CABP7: variants seen among roughly 807,000 people sequenced by gnomAD.
CABP7 encodes calcium-binding protein 7.
A neutral mutation model predicts 23.1 loss-of-function variants in CABP7; 13 were observed. That is an observed-to-expected ratio of 0.56 (90% CI 0.37 to 0.90). CABP7 has a LOEUF of 0.90. CABP7 is among the 40% of genes least tolerant of loss of function. CABP7 has a pLI of 0.01. For synonymous variants in CABP7, 123 were observed against 115.3 expected (o/e 1.07, Z -0.43); for missense variants, 248 against 295.6 (o/e 0.84, Z 1.18).
At chr22:29,728,935 G>A in intron 3 of CABP7, 120 bp from the exon 4 acceptor site, 1 of 1,333,292 alleles carries the variant, frequency 7.5e-7, no homozygotes, top group Non-Finnish European at 1.1e-6. Flanking sequence ...CTGGGGGAAT[G>A]GAGCAAGTGT....
intron 1 of CABP7, among the ~76,000 whole-genome samples, chr22:29,725,392 G>T (rs1013556583): frequency 6.6e-6 from 1 of 152,160 alleles, no homozygotes; most frequent in South Asian, 2.1e-4. Context: ...AGAGAACTGC[G>T]TGCTTCAGAT....
rs1426621463 is a variant in CABP7, at chr22:29,727,411, C to T, written c.110-251C>T. Among the ~76,000 whole-genome samples the T allele has an allele frequency of 1.3e-5, 2 of 152,200 alleles. No homozygotes were observed. Among genetic ancestry groups the T allele is most frequent in the Non-Finnish European group, 2.9e-5 (2 of 68,036 alleles). On this transcript the variant is annotated intron_variant, in intron 1 of 4. Coordinates refer to ENST00000216144, the MANE Select transcript of CABP7 (RefSeq NM_182527.3). The surrounding 1 kb of genome is among the most constrained non-coding windows in gnomAD (Gnocchi z 4.2). ...ACCAGGAGAGGCTGTGAGAGCCTGGCGCAATCAGATCCCAAGAGGTCACTG... is the reference window on the plus strand; with the variant it reads ...ACCAGGAGAGGCTGTGAGAGCCTGGTGCAATCAGATCCCAAGAGGTCACTG...
chr22:29,731,332 C>CAGTG lies in CABP7; in HGVS notation c.*1764_*1767dup. 6.5e-7 allele frequency: 1 copy of CAGTG among 1,539,610 alleles called. No homozygotes were observed. The highest frequency in any genetic ancestry group is 8.7e-7 in the Non-Finnish European group (1 of 1,153,096). ...GGCCAGCCCACGGGGTACTGGAAGA[C>CAGTG]AGTGGTTCTGATGGGTTCAGCCCTA... On this transcript the variant is annotated 3_prime_UTR_variant, in exon 5 of 5. Coordinates refer to ENST00000216144, the MANE Select transcript of CABP7 (RefSeq NM_182527.3).
intron 1 of CABP7, among the ~76,000 whole-genome samples, chr22:29,722,417 T>G (rs979034702): frequency 1.3e-5 from 2 of 152,236 alleles, no homozygotes; most frequent in Non-Finnish European, 2.9e-5. Context: ...TCCTGTCCCC[T>G]TCTCCTGGGC....
chr22:29,721,476 G>A (rs1364986888), intron 1 of CABP7, among the ~76,000 whole-genome samples: 2 of 152,116 alleles, frequency 1.3e-5, no homozygotes, highest in Non-Finnish European at 2.9e-5. Context: ...GGCCTCCTGG[G>A]ATCTGCATGT....
chr22:29,728,980 G>A (rs1348221825), intron 3 of CABP7, 75 bp from the exon 4 acceptor site: 32 of 1,550,506 alleles, frequency 2.1e-5, no homozygotes, highest in East Asian at 1.6e-4. Context: ...GCCTGTCACC[G>A]GGTCTGTATG....
Position 29,720,548 on chromosome 22 carries a change from G to A in CABP7, c.109+15G>A. 1 of 1,509,438 alleles carries A rather than the reference G, an allele frequency of 6.6e-7. No individual in the cohort carries two copies. The highest frequency in any genetic ancestry group is 8.9e-7 in the Non-Finnish European group (1 of 1,124,920). 93.5% of individuals were successfully genotyped at this position (1,509,438 alleles called of 1,614,324 possible). On this transcript the variant is annotated intron_variant, in intron 1 of 4. Transcript: ENST00000216144. This position sits in a 1 kb window ranked among gnomAD's most constrained non-coding sequence, Gnocchi z 5.2. ...CGAGCTGGAGGGTGAGTGTCCGCCG[G>A]GATCCCCGCCCCGGCGGCCCTCCTA...
At chr22:29,728,562 G>A in intron 2 of CABP7, 68 bp from the exon 3 acceptor site, 2 of 999,358 alleles carry the variant, frequency 2.0e-6, no homozygotes, top group Non-Finnish European at 1.6e-6. Flanking sequence ...TCCATCCCAG[G>A]ACCTCTGGGC....
At chr22:29,721,527 T>G (rs532112748) in intron 1 of CABP7, among the ~76,000 whole-genome samples, 119 of 152,180 alleles carry the variant, frequency 7.8e-4, no homozygotes, top group African/African-American at 2.8e-3. Flanking sequence ...AGGATGGGCC[T>G]CTCGGGGTAC....
Position 29,731,330 on chromosome 22 carries a change from G to T in CABP7, c.*1761G>T. On this transcript the variant is annotated 3_prime_UTR_variant, in exon 5 of 5. Transcript: ENST00000216144. Reference sequence around the variant, plus strand: ...GTGGCCAGCCCACGGGGTACTGGAAGACAGTGGTTCTGATGGGTTCAGCCC... The same window carrying T: ...GTGGCCAGCCCACGGGGTACTGGAATACAGTGGTTCTGATGGGTTCAGCCC... The T allele has an allele frequency of 6.5e-7, 1 of 1,537,670 alleles. No homozygotes were observed. Among genetic ancestry groups the T allele is most frequent in the Non-Finnish European group, 8.7e-7 (1 of 1,152,632 alleles).
At chr22:29,724,989 C>T (rs750233989) in intron 1 of CABP7, among the ~76,000 whole-genome samples, 2 of 152,174 alleles carry the variant, frequency 1.3e-5, no homozygotes, top group Non-Finnish European at 2.9e-5. Context: ...GAGCTCAGCT[C>T]ACAGCAGGCA....
chr22:29,731,095 G>C lies in CABP7; in HGVS notation c.*1526G>C. ...CGAGGGCTGCACTTGGTGTGGCCGT[G>C]TCCTGAGCCTCAGTGAGGCTGGGCA... On this transcript the variant is annotated 3_prime_UTR_variant, in exon 5 of 5. Coordinates refer to ENST00000216144, the MANE Select transcript of CABP7 (RefSeq NM_182527.3). 1 of 1,051,852 alleles carries C rather than the reference G, an allele frequency of 9.5e-7. No homozygotes were observed. The highest frequency in any genetic ancestry group is 1.3e-6 in the Non-Finnish European group (1 of 768,610). 65.2% of individuals were successfully genotyped at this position (1,051,852 alleles called of 1,614,324 possible).
chr22:29,728,905 C>T (rs1242518232), intron 3 of CABP7, 150 bp from the exon 4 acceptor site: 12 of 1,132,346 alleles, frequency 1.1e-5, no homozygotes, highest in East Asian at 7.3e-5. Context: ...CTGGGGAGGC[C>T]GGTGTTGGTC....
chr22:29,726,290 C>T (rs140092), intron 1 of CABP7, among the ~76,000 whole-genome samples: 54,682 of 152,038 alleles, frequency 0.36, 10,997 homozygotes, highest in East Asian at 0.56. Flanking sequence ...GTGGGGCCTC[C>T]GCCCAAGCCA....
Position 29,727,397 on chromosome 22 carries a change from CTG to C in CABP7, c.110-262_110-261del, listed in dbSNP as rs1389519413. 6.6e-6 allele frequency among the ~76,000 whole-genome samples: 1 copy of C among 152,190 alleles called. No homozygotes were observed. The highest frequency in any genetic ancestry group is 1.5e-5 in the Non-Finnish European group (1 of 68,022). On this transcript the variant is annotated intron_variant, in intron 1 of 4. Transcript: ENST00000216144. This position sits in a 1 kb window ranked among gnomAD's most constrained non-coding sequence, Gnocchi z 4.2. ...GTCGTTGTGAGCACACCAGGAGAGG[CTG>C]TGAGAGCCTGGCGCAATCAGATCCC...
rs1020204274 is a variant in CABP7, at chr22:29,720,035, G to A, written c.-390G>A. On this transcript the variant is annotated 5_prime_UTR_variant, in exon 1 of 5. Transcript: ENST00000216144. This position sits in a 1 kb window ranked among gnomAD's most constrained non-coding sequence, Gnocchi z 5.2. ...GAGCGAGCGAGCGAGCGGAGAGGCG[G>A]CTACAGCCTGAGCGCCGGGCCGGTA... The A allele has an allele frequency of 8.7e-5, 13 of 150,046 alleles. No homozygotes were observed. Among genetic ancestry groups the A allele is most frequent in the African/African-American group, 2.9e-4 (12 of 41,242 alleles). The allele number at this position is 150,046 out of a possible 1,614,324, so 9.3% of individuals were successfully genotyped here.
At position 29,720,703 on chromosome 22, in the gene CABP7, C is replaced by T. The variant is rs2527347; in HGVS notation, c.109+170C>T. Among the ~76,000 whole-genome samples the T allele has an allele frequency of 0.21, 32,431 of 151,476 alleles. 3,697 individuals carry two copies. The highest frequency in any genetic ancestry group is 0.42 in the South Asian group (2,016 of 4,822). The stretch of plus-strand genomic sequence containing the variant: ...CCCGCGGCAAGACCTGTCCGCACCC[C>T]GGGGCGCCGCGGTGGGGGTCGCTCA... On this transcript the variant is annotated intron_variant, in intron 1 of 4. Coordinates refer to ENST00000216144, the MANE Select transcript of CABP7 (RefSeq NM_182527.3). This position sits in a 1 kb window ranked among gnomAD's most constrained non-coding sequence, Gnocchi z 5.2.
rs936996384 is a variant in CABP7 at position 29,730,735 on chromosome 22, G to C, written c.*1166G>C. 6.6e-6 allele frequency: 1 copy of C among 152,522 alleles called. No individual in the cohort carries two copies. The highest frequency in any genetic ancestry group is 1.5e-5 in the Non-Finnish European group (1 of 68,204). 9.4% of individuals were successfully genotyped at this position (152,522 alleles called of 1,614,324 possible). On this transcript the variant is annotated 3_prime_UTR_variant, in exon 5 of 5. Transcript: ENST00000216144. The stretch of plus-strand genomic sequence containing the variant: ...CGGGGATGGCAGATGGAGCCCTTGG[G>C]CTCCTTGGGCCTAGAGCCACTTCTT...
intron 1 of CABP7, among the ~76,000 whole-genome samples, chr22:29,725,421 A>G (rs781586135): frequency 1.3e-5 from 2 of 152,208 alleles, no homozygotes; most frequent in Non-Finnish European, 2.9e-5. Context: ...TCCCCACATC[A>G]GTCATTCATT....
Sources: allele counts gnomAD v4.1 joint callset (sites outside exome capture counted in the v4.1 genomes callset), GRCh38; gene constraint gnomAD v4.1.1; non-coding constraint Gnocchi (gnomAD v3.1); transcripts MANE v1.5; gene names NCBI Gene and HGNC (gene_info 2026-07-23, HGNC 2026-07-21).